PPM1L: variants seen among roughly 807,000 people sequenced by gnomAD.
PPM1L encodes protein phosphatase, Mg2+/Mn2+ dependent 1L.
In PPM1L, 13 loss-of-function variants were observed where a neutral mutation model predicts 31.4. The ratio of observed to expected loss-of-function variants is 0.41; its 90% CI spans 0.27 to 0.66. The LOEUF is 0.66. PPM1L is among the 30% of genes least tolerant of loss of function. The pLI is 0.29. For missense variants in PPM1L, 326 were observed against 453.7 expected, an observed-to-expected ratio of 0.72 and a Z score of 2.56; for synonymous variants, 184 against 175.4, an observed-to-expected ratio of 1.05 and a Z score of -0.39.
At chr3:160,815,996 A>T (rs973189841) in intron 1 of PPM1L, among the ~76,000 whole-genome samples, 1 of 152,162 alleles carries the variant, frequency 6.6e-6, no homozygotes, top group Non-Finnish European at 1.5e-5. Flanking sequence ...GATTTACCTG[A>T]AAGTCACCTT....
At chr3:160,814,613 ATACACACACATATGTATGTATG>A in intron 1 of PPM1L, among the ~76,000 whole-genome samples, 1 of 149,830 alleles carries the variant, frequency 6.7e-6, no homozygotes, top group South Asian at 2.1e-4. Flanking sequence ...GTGTATATAT[ATACACACACATATGTATGTATG>A]TGTATATATA....
intron 1 of PPM1L, among the ~76,000 whole-genome samples, chr3:160,886,476 G>A (rs984952591): frequency 2.0e-5 from 3 of 152,172 alleles, no homozygotes; most frequent in African/African-American, 7.2e-5. Flanking sequence ...GCCCCTTGAG[G>A]TCAGAGATCC....
At chr3:160,989,698 CA>C (rs1717070000) in intron 2 of PPM1L, among the ~76,000 whole-genome samples, 1 of 152,148 alleles carries the variant, frequency 6.6e-6, no homozygotes. Context: ...CTTGCTCTGT[CA>C]CCCATGCTGG....
intron 1 of PPM1L, among the ~76,000 whole-genome samples, chr3:160,776,104 T>C (rs896639905): frequency 6.6e-6 from 1 of 152,242 alleles, no homozygotes; most frequent in South Asian, 2.1e-4. Context: ...TATATTTGTT[T>C]CTTCTACATT....
chr3:160,809,938 C>T (rs1489916731), intron 1 of PPM1L, among the ~76,000 whole-genome samples: 1 of 152,088 alleles, frequency 6.6e-6, no homozygotes. Flanking sequence ...CTCAGTTCTT[C>T]AGAGGTAAAA....
Position 161,068,958 on chromosome 3 carries a change from A to C in PPM1L, c.884A>C (p.Glu295Ala), listed in dbSNP as rs1372678692. 3 of 1,614,230 alleles carry C rather than the reference A, an allele frequency of 1.9e-6. No homozygotes were observed. In the South Asian group the frequency reaches 3.3e-5, roughly 18 times the overall value. Residue 295 changes from glutamate to alanine, a missense_variant, in exon 4 of 4, where the codon GAG (glutamate) becomes GCG (alanine). Physicochemically the swap from Glu to Ala is moderately radical, Grantham distance 107. Around this residue, in one of 3 missense-constraint regions of PPM1L, gnomAD observed 201 missense variants for 298.2 expected, o/e 0.67. Coordinates refer to ENST00000498165, the MANE Select transcript of PPM1L (RefSeq NM_139245.4). ...TTTGACCTGGACAAGCTTCAGCCTG[A>C]GTTCATGATCTTGGCATCAGATGGT... Reference protein sequence around the residue: ...LTFDLDKLQPEFMILASDGLW... With the variant: ...LTFDLDKLQPAFMILASDGLW...
intron 1 of PPM1L, among the ~76,000 whole-genome samples, chr3:160,824,382 G>A (rs75028863): frequency 0.013 from 1,988 of 152,254 alleles, 48 homozygotes; most frequent in African/African-American, 0.046. Flanking sequence ...CTTTGTTATA[G>A]CAGCCTGAAC....
chr3:160,846,543 T>G (rs909000209), intron 1 of PPM1L, among the ~76,000 whole-genome samples: 2 of 152,102 alleles, frequency 1.3e-5, no homozygotes, highest in African/African-American at 4.8e-5. Context: ...AAAATTGTTA[T>G]TACATTGAAA....
chr3:160,931,992 G>GT (rs11429530), intron 1 of PPM1L, among the ~76,000 whole-genome samples: 55,204 of 151,784 alleles, frequency 0.36, 12,836 homozygotes, highest in Non-Finnish European at 0.52. Flanking sequence ...TCATTCTTTT[G>GT]TTTTTTTGCT....
intron 2 of PPM1L, among the ~76,000 whole-genome samples, chr3:160,977,883 CA>C (rs1716651901): frequency 6.6e-6 from 1 of 152,160 alleles, no homozygotes; most frequent in Non-Finnish European, 1.5e-5. Flanking sequence ...TCAGTGGAGA[CA>C]ACTTCTCTTT....
intron 2 of PPM1L, among the ~76,000 whole-genome samples, chr3:161,051,259 C>T (rs1004668421): frequency 6.6e-6 from 1 of 152,058 alleles, no homozygotes; most frequent in Non-Finnish European, 1.5e-5. Context: ...ACAGTAAGTG[C>T]CTTGCGGGTA....
chr3:161,006,850 T>G (rs1717728318), intron 2 of PPM1L, among the ~76,000 whole-genome samples: 1 of 152,000 alleles, frequency 6.6e-6, no homozygotes, highest in Non-Finnish European at 1.5e-5. Context: ...GCCCAGCTAA[T>G]TTTTTGTAGT....
intron 2 of PPM1L, among the ~76,000 whole-genome samples, chr3:160,985,576 C>A (rs1356548349): frequency 6.6e-6 from 1 of 152,050 alleles, no homozygotes; most frequent in Non-Finnish European, 1.5e-5. Flanking sequence ...CTAATAAGTT[C>A]TTTCTTTTTC....
At chr3:160,786,042 G>A (rs1711906574) in intron 1 of PPM1L, among the ~76,000 whole-genome samples, 1 of 149,724 alleles carries the variant, frequency 6.7e-6, no homozygotes, top group African/African-American at 2.5e-5. Flanking sequence ...CTATGTGAGA[G>A]TTCCTAAATC....
In PPM1L at chr3:161,069,377, C is replaced by T. The variant is rs1439730523; in HGVS notation, c.*220C>T. The T allele has an allele frequency of 7.2e-6, 4 of 557,334 alleles. No individual in the cohort carries two copies. The allele number at this position is 557,334 out of a possible 1,614,324, so 34.5% of individuals were successfully genotyped here. On this transcript the variant is annotated 3_prime_UTR_variant, in exon 4 of 4. Transcript: ENST00000498165. ...AAATGGTTTCTTCATGTTTTCCCAA[C>T]TCTTTCATCCAGTGTCCAAAATATA...
At chr3:160,840,757 AAGGAGAGAGAGAGAGAAAGAGAGAGAGAG>A (rs1218419567) in intron 1 of PPM1L, among the ~76,000 whole-genome samples, 1 of 150,702 alleles carries the variant, frequency 6.6e-6, no homozygotes, top group Admixed American at 6.6e-5. Context: ...AGAGAGAAAG[AAGGAGAGAGAGAGAGAAAGAGAGAGAGAG>A]AGGAGAGAGA....
chr3:161,015,377 G>A (rs998460697), intron 2 of PPM1L, among the ~76,000 whole-genome samples: 2 of 152,138 alleles, frequency 1.3e-5, no homozygotes, highest in African/African-American at 4.8e-5. Flanking sequence ...AAAACAATTT[G>A]TCAAATGTGA....
intron 1 of PPM1L, among the ~76,000 whole-genome samples, chr3:160,959,255 C>T (rs897882110): frequency 4.2e-5 from 6 of 141,802 alleles, no homozygotes; most frequent in African/African-American, 1.5e-4. Flanking sequence ...TATGAGGATG[C>T]AAAGGCATAA....
intron 1 of PPM1L, among the ~76,000 whole-genome samples, chr3:160,819,100 T>G (rs1713080380): frequency 6.6e-6 from 1 of 152,024 alleles, no homozygotes. Context: ...TGGTAGACAG[T>G]AAGCATTGAG....
Sources: allele counts gnomAD v4.1 joint callset (sites outside exome capture counted in the v4.1 genomes callset), GRCh38; gene constraint gnomAD v4.1.1; regional missense constraint gnomAD v4.1.1; transcripts MANE v1.5; gene names NCBI Gene and HGNC (gene_info 2026-07-23, HGNC 2026-07-21).